RBM20: variants seen among roughly 807,000 people sequenced by gnomAD.
RBM20 encodes the protein RNA-binding protein 20.
In RBM20, 51 loss-of-function variants were observed where a neutral mutation model predicts 110.1. The ratio of observed to expected loss-of-function variants is 0.46; its 90% CI spans 0.37 to 0.59. The LOEUF (loss-of-function observed/expected upper bound fraction) is 0.59. Among genes scored for constraint, RBM20 ranks in the 20% least tolerant of loss-of-function variants. The pLI, the probability that RBM20 is intolerant of heterozygous loss-of-function variation, is 0.00. For missense variants in RBM20, 1,512 were observed against 1,574.9 expected, an observed-to-expected ratio of 0.96 and a Z score of 0.68; for synonymous variants, 589 against 618.2, an observed-to-expected ratio of 0.95 and a Z score of 0.70.
At chr10:110,693,817 A>G (rs529805608) in intron 1 of RBM20, among the ~76,000 whole-genome samples, 7 of 152,340 alleles carry the variant, frequency 4.6e-5, no homozygotes, top group East Asian at 1.9e-4. Flanking sequence ...CCAACATACC[A>G]GAGACATAGT....
intron 1 of RBM20, among the ~76,000 whole-genome samples, chr10:110,726,976 A>T (rs1046455493): frequency 3.9e-5 from 6 of 151,934 alleles, no homozygotes; most frequent in African/African-American, 1.2e-4. Context: ...CCTCCGGAGT[A>T]GCTGGTATCA....
intron 1 of RBM20, among the ~76,000 whole-genome samples, chr10:110,753,952 T>C (rs2134990756): frequency 6.6e-6 from 1 of 152,336 alleles, no homozygotes; most frequent in South Asian, 2.1e-4. Context: ...ATAACACTTC[T>C]GACTGCACTT....
intron 7 of RBM20, among the ~76,000 whole-genome samples, chr10:110,803,196 G>A (rs755149251): frequency 1.3e-5 from 2 of 152,208 alleles, no homozygotes; most frequent in Non-Finnish European, 1.5e-5. Context: ...TTTTACAGAT[G>A]AGGAATCTGA....
intron 1 of RBM20, among the ~76,000 whole-genome samples, chr10:110,688,812 A>G (rs1402346781): frequency 6.6e-6 from 1 of 152,154 alleles, no homozygotes; most frequent in African/African-American, 2.4e-5. Flanking sequence ...AGATTTCTTC[A>G]GTTTTCCCAC....
At chr10:110,775,153 C>T (rs1165079252) in intron 1 of RBM20, among the ~76,000 whole-genome samples, 1 of 152,188 alleles carries the variant, frequency 6.6e-6, no homozygotes, top group Non-Finnish European at 1.5e-5. Flanking sequence ...TGACCTTCAG[C>T]GTTGCATTTA....
intron 1 of RBM20, among the ~76,000 whole-genome samples, chr10:110,672,166 C>G (rs1401596274): frequency 6.6e-6 from 1 of 152,308 alleles, no homozygotes; most frequent in Non-Finnish European, 1.5e-5. Flanking sequence ...CCGCGCTTTG[C>G]GTTTCTCCGC....
upstream of RBM20, among the ~76,000 whole-genome samples, chr10:110,643,470 C>G (rs1182887713): frequency 2.0e-5 from 3 of 152,328 alleles, no homozygotes; most frequent in East Asian, 5.8e-4. Flanking sequence ...CGCACGCGGG[C>G]GCCAGGGTAA....
intron 9 of RBM20, among the ~76,000 whole-genome samples, chr10:110,813,306 C>T (rs1844799340): frequency 6.6e-6 from 1 of 152,192 alleles, no homozygotes; most frequent in African/African-American, 2.4e-5. Flanking sequence ...TAGGGTGGGA[C>T]ATCATGGAAA....
At chr10:110,832,531 C>T (rs1398572209) in intron 13 of RBM20, among the ~76,000 whole-genome samples, 2 of 151,562 alleles carry the variant, frequency 1.3e-5, no homozygotes, top group African/African-American at 4.9e-5. Flanking sequence ...ATGTGCACCC[C>T]TAGTTAAAAA....
At chr10:110,684,429 G>T (rs200984647) in intron 1 of RBM20, among the ~76,000 whole-genome samples, 2 of 122,672 alleles carry the variant, frequency 1.6e-5, no homozygotes, top group African/African-American at 2.8e-5. Context: ...CAAAACAAAA[G>T]AAAAAGAAAA....
chr10:110,814,991 C>T (rs754161349), intron 9 of RBM20, among the ~76,000 whole-genome samples: 28 of 152,088 alleles, frequency 1.8e-4, no homozygotes, highest in Non-Finnish European at 2.9e-4. Context: ...TTAATGACGG[C>T]ATCATGAGAT....
chr10:110,732,731 T>C (rs940783482), intron 1 of RBM20, among the ~76,000 whole-genome samples: 1 of 152,200 alleles, frequency 6.6e-6, no homozygotes, highest in Non-Finnish European at 1.5e-5. Flanking sequence ...TCTCCTGCCC[T>C]GAGAAGACTG....
At chr10:110,784,300 A>C in intron 3 of RBM20, 41 bp from the exon 4 acceptor site, 1 of 1,408,260 alleles carries the variant, frequency 7.1e-7, no homozygotes, top group African/African-American at 1.4e-5. Flanking sequence ...TTCTTTGTTT[A>C]ACTTATTAAG....
chr10:110,650,993 G>T (rs1426373742), intron 1 of RBM20, among the ~76,000 whole-genome samples: 1 of 152,218 alleles, frequency 6.6e-6, no homozygotes, highest in Non-Finnish European at 1.5e-5. Flanking sequence ...CTGGGCTTCT[G>T]TCGAGGAGTG....
At chr10:110,767,083 AC>A (rs1286389283) in intron 1 of RBM20, among the ~76,000 whole-genome samples, 3 of 72,756 alleles carry the variant, frequency 4.1e-5, no homozygotes, top group Non-Finnish European at 8.3e-5. Flanking sequence ...GCGGGGGGTG[AC>A]CCCCCCACCT....
In RBM20 at chr10:110,810,378, G is replaced by T. The variant is rs995878595; in HGVS notation, c.1801-5G>T. Reference sequence around the variant, plus strand: ...ATCTGATGGTGATCTCTCTGACTTTGCTAGAAACCCGGGAAGGCCGTGGCT... The same window carrying T: ...ATCTGATGGTGATCTCTCTGACTTTTCTAGAAACCCGGGAAGGCCGTGGCT... On this transcript the variant is annotated splice_region_variant and splice_polypyrimidine_tract_variant and intron_variant, in intron 7 of 13. Coordinates refer to ENST00000369519, the MANE Select transcript of RBM20 (RefSeq NM_001134363.3). 24 of 1,550,830 alleles carry T rather than the reference G, an allele frequency of 1.5e-5. No homozygotes were observed. The highest frequency in any genetic ancestry group is 1.9e-5 in the Non-Finnish European group (22 of 1,146,270).
chr10:110,778,589 A>G (rs1319892901), intron 1 of RBM20, among the ~76,000 whole-genome samples: 1 of 152,246 alleles, frequency 6.6e-6, no homozygotes, highest in African/African-American at 2.4e-5. Context: ...CTGCCTAAGC[A>G]TGCTTATTGT....
intron 1 of RBM20, among the ~76,000 whole-genome samples, chr10:110,778,289 G>A (rs888679120): frequency 1.1e-4 from 16 of 152,192 alleles, no homozygotes; most frequent in African/African-American, 3.9e-4. Context: ...CAACTTATAG[G>A]CAATTTTTGA....
intron 1 of RBM20, among the ~76,000 whole-genome samples, chr10:110,649,954 T>C (rs1198846591): frequency 6.6e-6 from 1 of 152,220 alleles, no homozygotes. Flanking sequence ...TGTTTTTGAA[T>C]CAGGAATGTG....
Sources: allele counts gnomAD v4.1 joint callset (sites outside exome capture counted in the v4.1 genomes callset), GRCh38; gene constraint gnomAD v4.1.1; transcripts MANE v1.5; gene names NCBI Gene and HGNC (gene_info 2026-07-23, HGNC 2026-07-21).